Variants in RBM20 observed in about 807,000 individuals in gnomAD.
RBM20 encodes RNA-binding protein 20.
In RBM20, 51 loss-of-function variants were observed where a neutral mutation model predicts 110.1. That is an observed-to-expected ratio of 0.46 (90% confidence interval 0.37 to 0.59). The LOEUF is 0.59. Among genes scored for constraint, RBM20 ranks in the 20% least tolerant of loss-of-function variants. RBM20 has a pLI of 0.00. For missense variants in RBM20, 1,512 were observed against 1,574.9 expected (o/e 0.96, Z 0.68); for synonymous variants, 589 against 618.2 (o/e 0.95, Z 0.70).
At chr10:110,718,373 A>G (rs900494136) in intron 1 of RBM20, among the ~76,000 whole-genome samples, 1 of 151,986 alleles carries the variant, frequency 6.6e-6, no homozygotes, top group South Asian at 2.1e-4. Flanking sequence ...ATGCTTCCCC[A>G]CCTCTGCCCA....
chr10:110,658,949 C>T (rs1253249796), intron 1 of RBM20, among the ~76,000 whole-genome samples: 1 of 152,152 alleles, frequency 6.6e-6, no homozygotes, highest in Non-Finnish European at 1.5e-5. Flanking sequence ...TAGCATTTGT[C>T]CGTGCTCTCC....
chr10:110,766,998 G>A, intron 1 of RBM20, among the ~76,000 whole-genome samples: 1 of 146,038 alleles, frequency 6.8e-6, no homozygotes, highest in Admixed American at 6.7e-5. Context: ...TGGCCGGGCA[G>A]AGGGGCTCCT....
intron 7 of RBM20, among the ~76,000 whole-genome samples, chr10:110,805,776 C>A (rs1448539883): frequency 6.6e-6 from 1 of 152,202 alleles, no homozygotes; most frequent in East Asian, 1.9e-4. Flanking sequence ...CTTGGAATCT[C>A]ACCCTTGTCT....
intron 13 of RBM20, 24 bp downstream of exon 13, chr10:110,831,206 A>G (rs1845047823): frequency 6.5e-7 from 1 of 1,547,372 alleles, no homozygotes; most frequent in Non-Finnish European, 8.7e-7. Flanking sequence ...CTCCTTGCCC[A>G]GCATGCCAGG....
intron 1 of RBM20, among the ~76,000 whole-genome samples, chr10:110,725,607 A>C (rs926989707): frequency 6.6e-6 from 1 of 152,262 alleles, no homozygotes; most frequent in Admixed American, 6.5e-5. Flanking sequence ...TTTTGTGTAC[A>C]TGTATAACAT....
At chr10:110,760,999 G>A (rs1843991373) in intron 1 of RBM20, 1 of 149,492 alleles carries the variant, frequency 6.7e-6, no homozygotes, top group Non-Finnish European at 1.5e-5. Flanking sequence ...AGGAGGCTGG[G>A]CCAGGAGAAT....
At position 110,700,928 on chromosome 10, in the gene RBM20, T is replaced by A. The variant is rs554058435; in HGVS notation, c.191+56283T>A. On this transcript the variant is annotated intron_variant, in intron 1 of 13. Coordinates refer to ENST00000369519, the MANE Select transcript of RBM20 (RefSeq NM_001134363.3). Reference sequence around the variant, plus strand: ...TACTTGGGAGGCTGAGACGGGAGAATCGCTTGAACCCGGGAGATGGAGGTT... The same window carrying A: ...TACTTGGGAGGCTGAGACGGGAGAAACGCTTGAACCCGGGAGATGGAGGTT... Among the ~76,000 whole-genome samples, 75 of 152,118 alleles carry A rather than the reference T, an allele frequency of 4.9e-4. 1 individual carries two copies. In the South Asian group the frequency reaches 0.016, roughly 32 times the overall value.
chr10:110,710,619 T>C (rs1051410115), intron 1 of RBM20, among the ~76,000 whole-genome samples: 13 of 152,238 alleles, frequency 8.5e-5, no homozygotes, highest in African/African-American at 3.1e-4. Context: ...GCAGTTTTCT[T>C]GGAGAGAAGC....
intron 1 of RBM20, among the ~76,000 whole-genome samples, chr10:110,760,584 G>A (rs1463363904): frequency 6.7e-6 from 1 of 150,234 alleles, no homozygotes; most frequent in East Asian, 2.0e-4. Context: ...GGGATTACAG[G>A]CACTAACCAC....
At chr10:110,803,977 G>A (rs2135088317) in intron 7 of RBM20, among the ~76,000 whole-genome samples, 1 of 152,140 alleles carries the variant, frequency 6.6e-6, no homozygotes, top group African/African-American at 2.4e-5. Flanking sequence ...TTGTTTACTG[G>A]GGGCTCCCTG....
At chr10:110,738,496 G>A (rs1342615532) in intron 1 of RBM20, among the ~76,000 whole-genome samples, 4 of 152,188 alleles carry the variant, frequency 2.6e-5, no homozygotes, top group African/African-American at 9.7e-5. Context: ...TGGTCAGGCT[G>A]TTTCTCACGG....
intron 13 of RBM20, 137 bp downstream of exon 13, chr10:110,831,319 A>G (rs1275235391): frequency 5.9e-6 from 5 of 851,142 alleles, no homozygotes; most frequent in Non-Finnish European, 8.7e-6. Context: ...GCCACAGGTT[A>G]CTTGCCATTC....
chr10:110,784,706 A>C (rs1437883029), intron 4 of RBM20, 86 bp from the exon 5 acceptor site: 2 of 880,790 alleles, frequency 2.3e-6, no homozygotes, highest in East Asian at 2.6e-5. Context: ...GGAAAGGTTC[A>C]GTTTTCTATG....
At chr10:110,758,860 G>T (rs1349864852) in intron 1 of RBM20, among the ~76,000 whole-genome samples, 1 of 152,192 alleles carries the variant, frequency 6.6e-6, no homozygotes, top group Non-Finnish European at 1.5e-5. Context: ...AAGGTACTGA[G>T]GATATGTCAC....
intron 1 of RBM20, among the ~76,000 whole-genome samples, chr10:110,661,211 G>T (rs1181554605): frequency 6.6e-6 from 1 of 152,210 alleles, no homozygotes; most frequent in Non-Finnish European, 1.5e-5. Context: ...GGGCTTCAGG[G>T]TCTGAGTTTT....
chr10:110,805,635 C>G (rs141734748), intron 7 of RBM20, among the ~76,000 whole-genome samples: 5 of 152,204 alleles, frequency 3.3e-5, no homozygotes, highest in Non-Finnish European at 7.3e-5. Context: ...AGTTTCCCAT[C>G]GGCAATAAGC....
intron 2 of RBM20, among the ~76,000 whole-genome samples, chr10:110,782,259 A>G (rs545891590): frequency 1.3e-5 from 2 of 152,078 alleles, no homozygotes; most frequent in Non-Finnish European, 2.9e-5. Flanking sequence ...GAGTACCCAT[A>G]TTGTAGTGAG....
At chr10:110,646,387 A>G (rs906462353) in intron 1 of RBM20, among the ~76,000 whole-genome samples, 1 of 152,220 alleles carries the variant, frequency 6.6e-6, no homozygotes, top group Non-Finnish European at 1.5e-5. Flanking sequence ...CCCCATTTTG[A>G]AAATCCCATC....
At chr10:110,705,027 A>G (rs1189248211) in intron 1 of RBM20, among the ~76,000 whole-genome samples, 1 of 152,258 alleles carries the variant, frequency 6.6e-6, no homozygotes, top group East Asian at 1.9e-4. Context: ...AGAAGAAAAC[A>G]GAAGCATGGC....
Sources: gnomAD v4.1 joint callset for allele counts (sites outside exome capture counted in the v4.1 genomes callset) on GRCh38, gnomAD v4.1.1 for gene constraint, MANE v1.5 for transcripts, NCBI Gene and HGNC (gene_info 2026-07-23, HGNC 2026-07-21) for gene names.